Variants in BRSK2 observed in about 807,000 individuals in gnomAD.
BRSK2 encodes serine/threonine-protein kinase BRSK2.
BRSK2 carries 19 observed loss-of-function variants against 83.3 expected under a neutral mutation model. The observed-to-expected ratio is 0.23, with a 90% CI of 0.16 to 0.33. BRSK2 has a LOEUF of 0.33. Among genes scored for constraint, BRSK2 ranks in the 10% least tolerant of loss-of-function variants. The pLI, the probability that BRSK2 is intolerant of heterozygous loss-of-function variation, is 1.00. For synonymous variants in BRSK2, 519 were observed against 435.4 expected (o/e 1.19, Z -2.39); for missense variants, 798 against 1,042.3 (o/e 0.77, Z 3.23).
rs968076214 is a variant in BRSK2, at chr11:1,440,450, G to T, written c.273-338G>T. ...GAGTCCCGAGGCTACCCCATGCACC[G>T]AGCCTTGGCCCCAGCACCCGCCACA... On this transcript the variant is annotated intron_variant, in intron 3 of 19. Coordinates refer to ENST00000528841, the MANE Select transcript of BRSK2 (RefSeq NM_001256627.2). Among the ~76,000 whole-genome samples the T allele has an allele frequency of 4.6e-5, 7 of 152,138 alleles. No individual in the cohort carries two copies. In the East Asian group the frequency reaches 9.7e-4, roughly 21 times the overall value.
At chr11:1,442,683 C>A in intron 5 of BRSK2, 77 bp downstream of exon 5, 3 of 1,247,432 alleles carry the variant, frequency 2.4e-6, no homozygotes, top group Non-Finnish European at 3.5e-6. Flanking sequence ...GACTGAGAGG[C>A]CCCCAGCCTG....
intron 1 of BRSK2, chr11:1,409,563 C>T (rs1446696158): frequency 6.6e-6 from 1 of 152,110 alleles, no homozygotes; most frequent in East Asian, 1.9e-4. Flanking sequence ...AAGTTGGTGT[C>T]TGTGCGGTGT....
intron 1 of BRSK2, among the ~76,000 whole-genome samples, chr11:1,408,821 G>A (rs1390763566): frequency 6.6e-6 from 1 of 151,266 alleles, no homozygotes; most frequent in Non-Finnish European, 1.5e-5. Context: ...TGGTGTGTGT[G>A]TGTGTGTGTG....
intron 1 of BRSK2, among the ~76,000 whole-genome samples, chr11:1,413,156 T>C (rs1301629895): frequency 6.6e-6 from 1 of 152,156 alleles, no homozygotes; most frequent in Non-Finnish European, 1.5e-5. Flanking sequence ...GATCTCTGAC[T>C]GGAGCCAGCC....
chr11:1,396,182 G>A lies in BRSK2; in HGVS notation c.91+5807G>A, dbSNP rs544000073. On this transcript the variant is annotated intron_variant, in intron 1 of 19. Transcript: ENST00000528841. ...TGGACCCCTGCGTCCCCCGCTCCTCGTCTCTCTTCCCTTCCACCCACGTCC... is the reference window on the plus strand; with the variant it reads ...TGGACCCCTGCGTCCCCCGCTCCTCATCTCTCTTCCCTTCCACCCACGTCC... 3.9e-4 allele frequency among the ~76,000 whole-genome samples: 55 copies of A among 142,518 alleles called. 1 individual carries two copies. Among genetic ancestry groups the A allele is most frequent in the Non-Finnish European group, 5.6e-4 (36 of 64,220 alleles). 93.5% of individuals were successfully genotyped at this position (142,518 alleles called of 152,430 possible).
At chr11:1,400,819 G>A (rs1033585920) in intron 1 of BRSK2, among the ~76,000 whole-genome samples, 5 of 152,232 alleles carry the variant, frequency 3.3e-5, no homozygotes, top group Non-Finnish European at 4.4e-5. Flanking sequence ...ATGAGGAGCC[G>A]GTCCAGGGCT....
intron 1 of BRSK2, among the ~76,000 whole-genome samples, chr11:1,404,227 G>A (rs1435286351): frequency 6.6e-6 from 1 of 152,156 alleles, no homozygotes; most frequent in East Asian, 1.9e-4. Flanking sequence ...CCGCAATCTG[G>A]GTGCGCGGAG....
chr11:1,413,320 C>T (rs944106287), intron 1 of BRSK2, among the ~76,000 whole-genome samples: 7 of 152,136 alleles, frequency 4.6e-5, no homozygotes, highest in African/African-American at 1.7e-4. Context: ...CCCACCCCTC[C>T]CACCCCTGCA....
chr11:1,436,250 G>GGGGGGGGGGGCC, intron 2 of BRSK2, 116 bp downstream of exon 2: 4 of 168,876 alleles, frequency 2.4e-5, no homozygotes, highest in South Asian at 2.7e-4. Context: ...GGGGGGGCGG[G>GGGGGGGGGGGCC]CCCTGCAGGC....
chr11:1,411,851 C>A (rs532127856), intron 1 of BRSK2, among the ~76,000 whole-genome samples: 1 of 152,312 alleles, frequency 6.6e-6, no homozygotes, highest in South Asian at 2.1e-4. Context: ...CCCACTGGCC[C>A]GGCCTGGCAT....
intron 1 of BRSK2, among the ~76,000 whole-genome samples, chr11:1,415,535 C>T (rs1848012968): frequency 6.6e-6 from 1 of 152,222 alleles, no homozygotes; most frequent in Non-Finnish European, 1.5e-5. Context: ...CAGGCTTGAG[C>T]CACTGCACCT....
intron 18 of BRSK2, 185 bp downstream of exon 18, chr11:1,456,872 C>A (rs1026547313): frequency 6.7e-7 from 1 of 1,486,074 alleles, no homozygotes; most frequent in Non-Finnish European, 9.1e-7. Context: ...CCTGGCCTGG[C>A]GGGACCACCC....
Position 1,402,822 on chromosome 11 carries a change from G to A in BRSK2, c.91+12447G>A, listed in dbSNP as rs570606732. 1.6e-3 allele frequency among the ~76,000 whole-genome samples: 251 copies of A among 152,304 alleles called. 1 individual carries two copies. Among genetic ancestry groups the A allele is most frequent in the African/African-American group, 5.9e-3 (244 of 41,580 alleles). On this transcript the variant is annotated intron_variant, in intron 1 of 19. Transcript: ENST00000528841. Reference sequence around the variant, plus strand: ...GGGAGGGAACAGGCCCCCAGCAGAGGAGGCGGGAGCGGCGCTGAGCTCGGC... The same window carrying A: ...GGGAGGGAACAGGCCCCCAGCAGAGAAGGCGGGAGCGGCGCTGAGCTCGGC...
intron 16 of BRSK2, among the ~76,000 whole-genome samples, chr11:1,455,461 C>T (rs11028763): frequency 0.65 from 98,085 of 151,776 alleles, 32,342 homozygotes; most frequent in African/African-American, 0.71. Flanking sequence ...GGGACTGGCC[C>T]CCACCCCACC....
chr11:1,450,158 G>A (rs572716145), intron 13 of BRSK2, among the ~76,000 whole-genome samples: 2 of 151,914 alleles, frequency 1.3e-5, no homozygotes, highest in Admixed American at 6.5e-5. Context: ...TGCATGCGGG[G>A]GACTGGGGTG....
chr11:1,428,146 C>T (rs115299986), intron 1 of BRSK2, among the ~76,000 whole-genome samples: 1,609 of 152,214 alleles, frequency 0.011, 28 homozygotes, highest in African/African-American at 0.036. Context: ...CAGCTGGGGA[C>T]GGCTCTCCTA....
At position 1,436,036 on chromosome 11, in the gene BRSK2, G is replaced by A. The variant is rs750575505; in HGVS notation, c.92-4G>A. On this transcript the variant is annotated splice_polypyrimidine_tract_variant and splice_region_variant and intron_variant, in intron 1 of 19. Transcript: ENST00000528841. ...GTCTGAGCGCGGCTGCTTCTCTCCC[G>A]CAGGTCTGGTGAAGCTGGGGGTTCA... 4.1e-5 allele frequency: 66 copies of A among 1,601,468 alleles called. No homozygotes were observed. The highest frequency in any genetic ancestry group is 1.7e-4 in the Middle Eastern group (1 of 5,886).
At position 1,445,754 on chromosome 11, in the gene BRSK2, C is replaced by T. The variant is rs1851967297; in HGVS notation, c.1076-3C>T. On this transcript the variant is annotated splice_region_variant and splice_polypyrimidine_tract_variant and intron_variant, in intron 11 of 19. Transcript: ENST00000528841. Reference sequence around the variant, plus strand: ...GTCTGGCCTGACCTTCGTCTGTACTCAGACCCTCCCCGGAAGCGTGTGGAC... The same window carrying T: ...GTCTGGCCTGACCTTCGTCTGTACTTAGACCCTCCCCGGAAGCGTGTGGAC... 4.3e-6 allele frequency: 7 copies of T among 1,611,714 alleles called. No homozygotes were observed. The South Asian group carries it at 6.6e-5, about 15-fold the overall frequency.
chr11:1,447,739 C>G, intron 12 of BRSK2: 3 of 1,531,294 alleles, frequency 2.0e-6, no homozygotes, highest in Non-Finnish European at 2.6e-6. Context: ...CCCTGGGGGC[C>G]GACCTGTGCC....
Sources: gnomAD v4.1 joint callset for allele counts (sites outside exome capture counted in the v4.1 genomes callset) on GRCh38, gnomAD v4.1.1 for gene constraint, MANE v1.5 for transcripts, NCBI Gene and HGNC (gene_info 2026-07-23, HGNC 2026-07-21) for gene names.